Variants in PCDHGA5 observed in about 807,000 individuals in gnomAD.
PCDHGA5 encodes the protein protocadherin gamma-A5.
PCDHGA5 carries 36 observed loss-of-function variants against 56.7 expected under a neutral mutation model. That is an observed-to-expected ratio of 0.64 (90% CI 0.49 to 0.84). The LOEUF (loss-of-function observed/expected upper bound fraction) is 0.84, where lower values mean the gene tolerates loss of function less well. Among genes scored for constraint, PCDHGA5 ranks in the 40% least tolerant of loss-of-function variants. The probability of loss-of-function intolerance (pLI) is 0.00; values close to 1 mark genes in which losing one functional copy is unlikely to be tolerated. For synonymous variants in PCDHGA5, 563 were observed against 520.2 expected (o/e 1.08, Z -1.12); for missense variants, 1,305 against 1,201.5 (o/e 1.09, Z -1.27).
chr5:141,413,639 G>A (rs893578830), intron 1 of PCDHGA5: 2 of 1,613,854 alleles, frequency 1.2e-6, no homozygotes, highest in Non-Finnish European at 1.7e-6. Context: ...GCGGGAATGC[G>A]TTTTCCTCTC....
chr5:141,490,396 A>G lies in PCDHGA5; in HGVS notation c.2422-4411A>G. ...GGACTCAGGTAGAAATGGTGAAGTGAGCCTTGATATCTCTCCGGACCTGCC... is the reference window on the plus strand; with the variant it reads ...GGACTCAGGTAGAAATGGTGAAGTGGGCCTTGATATCTCTCCGGACCTGCC... On this transcript the variant is annotated intron_variant, in intron 1 of 3. Coordinates refer to ENST00000518069, the MANE Select transcript of PCDHGA5 (RefSeq NM_018918.3). The surrounding 1 kb of genome is among the most constrained non-coding windows in gnomAD (Gnocchi z 5.4). 1 of 1,614,146 alleles carries G rather than the reference A, an allele frequency of 6.2e-7. No homozygotes were observed. The highest frequency in any genetic ancestry group is 8.5e-7 in the Non-Finnish European group (1 of 1,180,030).
intron 2 of PCDHGA5, among the ~76,000 whole-genome samples, chr5:141,502,944 A>G (rs1447378539): frequency 1.4e-5 from 2 of 145,406 alleles, no homozygotes; most frequent in Non-Finnish European, 1.5e-5. Context: ...CCTGGGTTCA[A>G]GCGATTCTCC....
chr5:141,415,130 A>G (rs2095833213), intron 1 of PCDHGA5: 3 of 1,613,636 alleles, frequency 1.9e-6, no homozygotes, highest in South Asian at 1.1e-5. Flanking sequence ...GCCGTCCAGG[A>G]CCACGGCCAG....
chr5:141,494,927 G>A, intron 2 of PCDHGA5, 62 bp downstream of exon 2: 1 of 1,613,516 alleles, frequency 6.2e-7, no homozygotes, highest in Non-Finnish European at 8.5e-7. Flanking sequence ...GATGACGTGG[G>A]AGGAGATGGG....
At chr5:141,508,682 C>G (rs2099870913) in intron 3 of PCDHGA5, among the ~76,000 whole-genome samples, 1 of 152,080 alleles carries the variant, frequency 6.6e-6, no homozygotes, top group Non-Finnish European at 1.5e-5. Context: ...TCCCTTCTCC[C>G]TGCTTCTCCG....
At chr5:141,424,982 G>T (rs2096852076) in intron 1 of PCDHGA5, among the ~76,000 whole-genome samples, 1 of 152,106 alleles carries the variant, frequency 6.6e-6, no homozygotes, top group South Asian at 2.1e-4. Context: ...GGATATTTAT[G>T]TTCCCTTTCA....
Position 141,366,006 on chromosome 5 carries a change from C to T in PCDHGA5, c.1676C>T (p.Thr559Met), listed in dbSNP as rs760966863. The change falls in exon 1 of 4, where the codon ACG becomes ATG. Residue 559 changes from threonine (T) to methionine (M), a missense_variant. Physicochemically the swap from Thr to Met is moderately conservative, Grantham distance 81. Coordinates refer to ENST00000518069, the MANE Select transcript of PCDHGA5 (RefSeq NM_018918.3). ...SLFVLDQNDN[T>M]PEILYPALPT... The stretch of plus-strand genomic sequence containing the variant: ...TTTGTGCTGGACCAGAACGACAATA[C>T]GCCTGAGATCCTGTACCCCGCCCTC... The T allele has an allele frequency of 1.5e-5, 25 of 1,614,122 alleles. No homozygotes were observed. The highest frequency in any genetic ancestry group is 6.7e-5 in the African/African-American group (5 of 74,948).
chr5:141,389,767 G>C, intron 1 of PCDHGA5: 2 of 1,613,028 alleles, frequency 1.2e-6, no homozygotes, highest in Non-Finnish European at 8.5e-7. Context: ...CGCACAGCGC[G>C]TGCCTTAGGC....
intron 2 of PCDHGA5, among the ~76,000 whole-genome samples, chr5:141,499,314 A>C (rs2099791047): frequency 6.6e-6 from 1 of 152,238 alleles, no homozygotes; most frequent in Non-Finnish European, 1.5e-5. Context: ...TCTGAGAGAC[A>C]GTATCCCTGC....
chr5:141,395,241 A>T (rs1398967812), intron 1 of PCDHGA5: 1 of 1,571,196 alleles, frequency 6.4e-7, no homozygotes, highest in East Asian at 2.3e-5. Context: ...TGGTCAGGTG[A>T]GTTTAGTTCT....
chr5:141,434,820 G>A (rs953824837), intron 1 of PCDHGA5, among the ~76,000 whole-genome samples: 1 of 151,302 alleles, frequency 6.6e-6, no homozygotes, highest in Admixed American at 6.6e-5. Flanking sequence ...ATATCCCTTA[G>A]TACACTTGGC....
chr5:141,476,661 T>G lies in PCDHGA5; in HGVS notation c.2422-18146T>G. 1.2e-6 allele frequency: 2 copies of G among 1,614,076 alleles called. No individual in the cohort carries two copies. The highest frequency in any genetic ancestry group is 1.7e-6 in the Non-Finnish European group (2 of 1,179,938). On this transcript the variant is annotated intron_variant, in intron 1 of 3. Coordinates refer to ENST00000518069, the MANE Select transcript of PCDHGA5 (RefSeq NM_018918.3). The surrounding 1 kb of genome is among the most constrained non-coding windows in gnomAD (Gnocchi z 7.6). Reference sequence around the variant, plus strand: ...CTGAGCCGAAATGAATACTTTGCGCTTCGCGTGCAGACGCGGGAGGACAGC... The same window carrying G: ...CTGAGCCGAAATGAATACTTTGCGCGTCGCGTGCAGACGCGGGAGGACAGC...
rs755090005 is a variant in PCDHGA5, at chr5:141,388,852, G to A, written c.2421+22101G>A. 1.9e-5 allele frequency: 31 copies of A among 1,613,990 alleles called. 1 individual carries two copies. The South Asian group carries it at 3.0e-4, about 15-fold the overall frequency. On this transcript the variant is annotated intron_variant, in intron 1 of 3. Coordinates refer to ENST00000518069, the MANE Select transcript of PCDHGA5 (RefSeq NM_018918.3). ...ATAGTTTTGGAAGCAAGGGACGGTG[G>A]AGGAATGATTGCGCAATGCACAGTG...
rs568314069 is a variant in PCDHGA5 at position 141,486,371 on chromosome 5, G to C, written c.2422-8436G>C. 53 of 1,614,138 alleles carry C rather than the reference G, an allele frequency of 3.3e-5. 2 individuals are homozygous for C. The South Asian group carries it at 5.3e-4, about 16-fold the overall frequency. Reference sequence around the variant, plus strand: ...CCACTTGCCATTTGCCCTCAAGTCTGCCTTCAGGAACCAGTTCTCCCTGGT... The same window carrying C: ...CCACTTGCCATTTGCCCTCAAGTCTCCCTTCAGGAACCAGTTCTCCCTGGT... On this transcript the variant is annotated intron_variant, in intron 1 of 3. Transcript: ENST00000518069. The surrounding 1 kb of genome is among the most constrained non-coding windows in gnomAD (Gnocchi z 5.0).
intron 1 of PCDHGA5, chr5:141,427,206 G>C (rs1224325038): frequency 1.1e-5 from 5 of 456,606 alleles, no homozygotes; most frequent in Admixed American, 2.3e-5. Context: ...AATAGACTTC[G>C]AATTTCGTAG....
intron 1 of PCDHGA5, chr5:141,393,467 C>G (rs1589192441): frequency 6.2e-7 from 1 of 1,614,044 alleles, no homozygotes; most frequent in East Asian, 2.2e-5. Flanking sequence ...CGGATGGCGG[C>G]AAGCCGCCTC....
At chr5:141,414,061 T>C in intron 1 of PCDHGA5, 1 of 1,609,248 alleles carries the variant, frequency 6.2e-7, no homozygotes, top group Non-Finnish European at 8.5e-7. Flanking sequence ...ATTGTTGAAG[T>C]TCCAACTAAA....
At position 141,486,243 on chromosome 5, in the gene PCDHGA5, G is replaced by A. The variant is rs754924567; in HGVS notation, c.2422-8564G>A. 18 of 1,614,156 alleles carry A rather than the reference G, an allele frequency of 1.1e-5. No individual in the cohort carries two copies. The highest frequency in any genetic ancestry group is 1.4e-5 in the Non-Finnish European group (16 of 1,180,018). ...TACATCACAGTGACCTCAGAGCTTG[G>A]AACCCTCCCCGAGAGTGCAGAACCT... On this transcript the variant is annotated intron_variant, in intron 1 of 3. Coordinates refer to ENST00000518069, the MANE Select transcript of PCDHGA5 (RefSeq NM_018918.3). This position sits in a 1 kb window ranked among gnomAD's most constrained non-coding sequence, Gnocchi z 5.0.
chr5:141,374,388 G>A (rs779801370), intron 1 of PCDHGA5: 1 of 1,614,044 alleles, frequency 6.2e-7, no homozygotes, highest in South Asian at 1.1e-5. Context: ...AGCCCGCGGT[G>A]TCTGGTGAGT....
Sources: gnomAD v4.1 joint callset for allele counts (sites outside exome capture counted in the v4.1 genomes callset) on GRCh38, gnomAD v4.1.1 for gene constraint, Gnocchi (gnomAD v3.1) non-coding constraint, MANE v1.5 for transcripts, NCBI Gene and HGNC (gene_info 2026-07-23, HGNC 2026-07-21) for gene names.